OLFM3: variants seen among roughly 807,000 people sequenced by gnomAD.
OLFM3 encodes olfactomedin 3.
Under a neutral mutation model 48.6 loss-of-function variants are expected in OLFM3, and 20 were observed. That is an observed-to-expected ratio of 0.41 (90% CI 0.29 to 0.60). The LOEUF is 0.60. Among genes scored for constraint, OLFM3 ranks in the 20% least tolerant of loss-of-function variants. The probability of loss-of-function intolerance (pLI) is 0.28; values close to 1 mark genes in which losing one functional copy is unlikely to be tolerated. For missense variants in OLFM3, 437 were observed against 544.3 expected, an observed-to-expected ratio of 0.80 and a Z score of 1.96; for synonymous variants, 222 against 198.1, an observed-to-expected ratio of 1.12 and a Z score of -1.01.
At chr1:101,839,528 A>T (rs192473332) in intron 1 of OLFM3, among the ~76,000 whole-genome samples, 1 of 152,202 alleles carries the variant, frequency 6.6e-6, no homozygotes, top group African/African-American at 2.4e-5. Flanking sequence ...ATGCCAGAAA[A>T]TTGAGGCTTG....
At chr1:101,910,067 C>T (rs1658696882) in intron 1 of OLFM3, 1 of 985,426 alleles carries the variant, frequency 1.0e-6, no homozygotes, top group East Asian at 1.1e-4. Context: ...TCCTGCTTTC[C>T]TCCTTCTGCT....
intron 1 of OLFM3, among the ~76,000 whole-genome samples, chr1:101,945,731 T>G (rs560992620): frequency 6.6e-6 from 1 of 152,242 alleles, no homozygotes; most frequent in South Asian, 2.1e-4. Flanking sequence ...GAGGATTGCT[T>G]GAGACCAAGA....
At chr1:101,814,498 G>C (rs1440244499) in intron 4 of OLFM3, among the ~76,000 whole-genome samples, 1 of 152,116 alleles carries the variant, frequency 6.6e-6, no homozygotes, top group African/African-American at 2.4e-5. Context: ...TTGATATTGG[G>C]AGGGTAAGGA....
At chr1:101,825,932 A>G (rs572881128) in intron 3 of OLFM3, among the ~76,000 whole-genome samples, 8 of 152,310 alleles carry the variant, frequency 5.3e-5, no homozygotes, top group Non-Finnish European at 1.2e-4. Flanking sequence ...AAGGTATGTT[A>G]CTGTTTACTA....
intron 1 of OLFM3, among the ~76,000 whole-genome samples, chr1:101,879,769 C>T (rs1657444986): frequency 6.6e-6 from 1 of 151,802 alleles, no homozygotes; most frequent in African/African-American, 2.4e-5. Context: ...GCAAGGTTTA[C>T]TTGGTAAATG....
Position 101,830,809 on chromosome 1 carries a change from A to C in OLFM3, c.235T>G (p.Ser79Ala). The C allele has an allele frequency of 6.2e-7, 1 of 1,613,868 alleles. No individual in the cohort carries two copies. Residue 79 changes from serine to alanine, a missense_variant, in exon 3 of 6, where the codon TCT (serine) becomes GCT (alanine). By Grantham distance (99) the Ser-to-Ala change is moderately conservative. This residue lies in a region of OLFM3 where 314 missense variants were observed against 365.5 expected (regional missense o/e 0.86). Coordinates refer to ENST00000370103, the MANE Select transcript of OLFM3 (RefSeq NM_058170.4). The part of the protein sequence containing the change: ...LLEKVQNMSQ[S>A]IEVLNLRTQR... ...GTTCTCAAGTTTAAGACTTCAATAG[A>C]CTGGGACATGTTCTGAACCTGTTGA...
At chr1:101,830,470 G>A (rs1339320447) in intron 3 of OLFM3, among the ~76,000 whole-genome samples, 6 of 152,180 alleles carry the variant, frequency 3.9e-5, no homozygotes, top group Admixed American at 1.3e-4. Context: ...CTACAAGAAT[G>A]AAGCTTTTTC....
chr1:101,877,087 T>C (rs1657331221), intron 1 of OLFM3, among the ~76,000 whole-genome samples: 1 of 152,004 alleles, frequency 6.6e-6, no homozygotes, highest in Non-Finnish European at 1.5e-5. Flanking sequence ...AAAGTTTCTT[T>C]GTAAACAATA....
intron 1 of OLFM3, among the ~76,000 whole-genome samples, chr1:101,965,178 C>T (rs1660573735): frequency 6.6e-6 from 1 of 152,148 alleles, no homozygotes; most frequent in East Asian, 1.9e-4. Flanking sequence ...AGTAACAGTG[C>T]TTTTGTTATT....
At chr1:101,856,200 C>T (rs12032849) in intron 1 of OLFM3, among the ~76,000 whole-genome samples, 5 of 151,936 alleles carry the variant, frequency 3.3e-5, no homozygotes, top group East Asian at 3.9e-4. Context: ...CAGACAAATA[C>T]GGTTAAATAT....
chr1:101,891,605 G>A (rs931271253), intron 1 of OLFM3, among the ~76,000 whole-genome samples: 8 of 151,438 alleles, frequency 5.3e-5, no homozygotes, highest in African/African-American at 1.9e-4. Context: ...CCCACTGAAT[G>A]TTTCATAATG....
chr1:101,931,548 T>C lies in OLFM3; in HGVS notation c.69+65200A>G, dbSNP rs532728610. Among the ~76,000 whole-genome samples the C allele has an allele frequency of 6.6e-5, 10 of 152,352 alleles. No individual in the cohort carries two copies. In the South Asian group the frequency reaches 2.1e-3, roughly 32 times the overall value. Reference sequence around the variant, plus strand: ...GATGCAATAATGGTTCATGTATTACTGCATGAGCAATCACAAAGAGAATAT... The same window carrying C: ...GATGCAATAATGGTTCATGTATTACCGCATGAGCAATCACAAAGAGAATAT... On this transcript the variant is annotated intron_variant, in intron 1 of 5. Transcript: ENST00000370103.
At chr1:101,855,507 T>C (rs2100954584) in intron 1 of OLFM3, among the ~76,000 whole-genome samples, 1 of 152,242 alleles carries the variant, frequency 6.6e-6, no homozygotes, top group Non-Finnish European at 1.5e-5. Flanking sequence ...TTTAGTCTTT[T>C]TAAAACAATT....
At chr1:101,920,742 T>A (rs1659070162) in intron 1 of OLFM3, among the ~76,000 whole-genome samples, 1 of 152,220 alleles carries the variant, frequency 6.6e-6, no homozygotes, top group Admixed American at 6.5e-5. Context: ...TCAGCTGTCC[T>A]CAGAGTTGTC....
intron 1 of OLFM3, among the ~76,000 whole-genome samples, chr1:101,847,563 T>C (rs563335521): frequency 3.3e-5 from 5 of 152,266 alleles, no homozygotes; most frequent in African/African-American, 7.2e-5. Context: ...AAAATTAGCA[T>C]CATTGCTTTA....
At chr1:101,832,240 T>C (rs1290707419) in intron 2 of OLFM3, among the ~76,000 whole-genome samples, 1 of 152,210 alleles carries the variant, frequency 6.6e-6, no homozygotes, top group Non-Finnish European at 1.5e-5. Context: ...ATATAATCAG[T>C]AAAAAGTTAT....
chr1:101,882,989 G>A (rs148801016), intron 1 of OLFM3: 16 of 151,740 alleles, frequency 1.1e-4, no homozygotes, highest in Middle Eastern at 6.8e-3. Context: ...AATGTCTCTG[G>A]GCATAGTTCC....
intron 1 of OLFM3, among the ~76,000 whole-genome samples, chr1:101,903,140 G>T (rs111248996): frequency 6.6e-6 from 1 of 152,032 alleles, no homozygotes; most frequent in Non-Finnish European, 1.5e-5. Flanking sequence ...GCAGGGAAAA[G>T]AAAATTTCAA....
intron 1 of OLFM3, among the ~76,000 whole-genome samples, chr1:101,853,455 A>C (rs1355608782): frequency 6.6e-6 from 1 of 151,954 alleles, no homozygotes; most frequent in Non-Finnish European, 1.5e-5. Flanking sequence ...CCTTAGAACT[A>C]GGTAGCATGC....
Sources: gnomAD v4.1 joint callset for allele counts (sites outside exome capture counted in the v4.1 genomes callset) on GRCh38, gnomAD v4.1.1 for gene constraint, gnomAD v4.1.1 regional missense constraint, MANE v1.5 for transcripts, NCBI Gene and HGNC (gene_info 2026-07-23, HGNC 2026-07-21) for gene names.